ALK: variants seen among roughly 807,000 people sequenced by gnomAD.
The protein encoded by ALK is ALK tyrosine kinase receptor.
ALK carries 74 observed loss-of-function variants against 163.1 expected under a neutral mutation model. The ratio of observed to expected loss-of-function variants is 0.45; its 90% CI spans 0.38 to 0.55. The LOEUF is 0.55. ALK is among the 20% of genes least tolerant of loss of function. The pLI is 0.00. For synonymous variants in ALK, 960 were observed against 843.2 expected (o/e 1.14, Z -2.40); for missense variants, 2,063 against 2,105.3 (o/e 0.98, Z 0.39).
At chr2:29,876,606 G>A (rs1042297856) in intron 1 of ALK, among the ~76,000 whole-genome samples, 21 of 151,684 alleles carry the variant, frequency 1.4e-4, no homozygotes, top group African/African-American at 5.1e-4. Flanking sequence ...TAATGGTGAT[G>A]GCAATAATGC....
At chr2:29,275,003 T>C in intron 11 of ALK, 96 bp downstream of exon 11, 1 of 1,520,096 alleles carries the variant, frequency 6.6e-7, no homozygotes, top group South Asian at 1.1e-5. Context: ...TTTCATTCTT[T>C]CAGCACAGCT....
intron 1 of ALK, among the ~76,000 whole-genome samples, chr2:29,720,534 C>T (rs1679390956): frequency 6.6e-6 from 1 of 152,104 alleles, no homozygotes; most frequent in Non-Finnish European, 1.5e-5. Flanking sequence ...TGGGGGTCAG[C>T]CAAAAGGCTG....
intron 4 of ALK, among the ~76,000 whole-genome samples, chr2:29,429,005 C>A (rs377706384): frequency 6.6e-6 from 1 of 151,990 alleles, no homozygotes; most frequent in African/African-American, 2.4e-5. Context: ...AACAAAACCA[C>A]AGCATCATCT....
chr2:29,729,055 G>A (rs987622909), intron 1 of ALK, among the ~76,000 whole-genome samples: 3 of 152,280 alleles, frequency 2.0e-5, no homozygotes, highest in South Asian at 2.1e-4. Context: ...GCCTTTTCTC[G>A]GATGCTCAGT....
chr2:29,696,198 G>A (rs1453322435), intron 2 of ALK, among the ~76,000 whole-genome samples: 2 of 152,156 alleles, frequency 1.3e-5, no homozygotes, highest in Non-Finnish European at 2.9e-5. Flanking sequence ...GGAATATTAT[G>A]CAGCCTTAAA....
intron 1 of ALK, among the ~76,000 whole-genome samples, chr2:29,746,605 C>T (rs1452017749): frequency 6.6e-6 from 1 of 152,158 alleles, no homozygotes; most frequent in African/African-American, 2.4e-5. Context: ...CCAGCATTTC[C>T]CTTAGTTGTG....
At chr2:29,208,434 C>A (rs890630800) in intron 25 of ALK, among the ~76,000 whole-genome samples, 1 of 152,092 alleles carries the variant, frequency 6.6e-6, no homozygotes, top group Non-Finnish European at 1.5e-5. Context: ...CATGCTGCAG[C>A]ATTTGTATTT....
chr2:29,635,436 A>T (rs1676492835), intron 3 of ALK, among the ~76,000 whole-genome samples: 1 of 152,162 alleles, frequency 6.6e-6, no homozygotes, highest in Admixed American at 6.5e-5. Flanking sequence ...TGCAGAGATT[A>T]TGATGTAAAG....
chr2:29,510,439 A>G (rs545756851), intron 4 of ALK, among the ~76,000 whole-genome samples: 10 of 150,900 alleles, frequency 6.6e-5, no homozygotes, highest in African/African-American at 2.2e-4. Flanking sequence ...GCTTGTTTCT[A>G]CAATGATTAT....
chr2:29,786,789 TTTTG>T (rs933856321), intron 1 of ALK, among the ~76,000 whole-genome samples: 3 of 151,538 alleles, frequency 2.0e-5, no homozygotes, highest in African/African-American at 4.9e-5. Context: ...TGTTTGTTTG[TTTTG>T]TTTGTTTGTT....
Position 29,614,506 on chromosome 2 carries a change from C to T in ALK, c.952+80344G>A, listed in dbSNP as rs1487351943. Among the ~76,000 whole-genome samples the T allele has an allele frequency of 2.0e-5, 3 of 152,338 alleles. No homozygotes were observed. The East Asian group carries it at 5.8e-4, about 29-fold the overall frequency. The stretch of plus-strand genomic sequence containing the variant: ...GATTCCCCTCTCTGTAGACTGACAG[C>T]ATGTTCCATCCACTCCAAATGATCT... On this transcript the variant is annotated intron_variant, in intron 3 of 28. Coordinates refer to ENST00000389048, the MANE Select transcript of ALK (RefSeq NM_004304.5).
chr2:29,359,657 G>A (rs1573278969), intron 5 of ALK, among the ~76,000 whole-genome samples: 1 of 152,178 alleles, frequency 6.6e-6, no homozygotes, highest in Non-Finnish European at 1.5e-5. Flanking sequence ...TGGACTTCCA[G>A]AGATTCGATT....
At chr2:29,797,508 C>A (rs1300243941) in intron 1 of ALK, among the ~76,000 whole-genome samples, 3 of 152,194 alleles carry the variant, frequency 2.0e-5, no homozygotes, top group Non-Finnish European at 4.4e-5. Context: ...AGTAATATCC[C>A]CACTATCATT....
chr2:29,295,308 G>T (rs1368604265), intron 9 of ALK, among the ~76,000 whole-genome samples: 1 of 152,136 alleles, frequency 6.6e-6, no homozygotes, highest in African/African-American at 2.4e-5. Flanking sequence ...AGCTATGAAA[G>T]AGAGAAGACT....
At chr2:29,687,329 T>C (rs977792920) in intron 3 of ALK, among the ~76,000 whole-genome samples, 3 of 151,914 alleles carry the variant, frequency 2.0e-5, no homozygotes, top group Admixed American at 2.0e-4. Context: ...TGGGAGCCCA[T>C]GCCAGCTGCC....
Position 29,494,843 on chromosome 2 carries a change from C to CGTGTGTGTGTGTGTGT in ALK, c.1154+37056_1154+37071dup, listed in dbSNP as rs35306598. On this transcript the variant is annotated intron_variant, in intron 4 of 28. Coordinates refer to ENST00000389048, the MANE Select transcript of ALK (RefSeq NM_004304.5). Reference sequence around the variant, plus strand: ...AGAAGCTCAAAGCTCTTTAGAGACTCGTGTGTGTGTGTGTGTGTGTGTGTG... The same window carrying CGTGTGTGTGTGTGTGT: ...AGAAGCTCAAAGCTCTTTAGAGACTCGTGTGTGTGTGTGTGTGTGTGTGTGTGTGTGTGTGTGTGTG... Among the ~76,000 whole-genome samples, 813 of 147,288 alleles carry CGTGTGTGTGTGTGTGT rather than the reference C, an allele frequency of 5.5e-3. 5 individuals carry two copies. Among genetic ancestry groups the CGTGTGTGTGTGTGTGT allele is most frequent in the African/African-American group, 0.018 (708 of 39,752 alleles).
chr2:29,298,285 G>A (rs1319232885), intron 8 of ALK, among the ~76,000 whole-genome samples: 1 of 152,162 alleles, frequency 6.6e-6, no homozygotes, highest in African/African-American at 2.4e-5. Flanking sequence ...TAGCAAATAT[G>A]CATCTCTACT....
chr2:29,581,596 G>A (rs1674693183), intron 3 of ALK, among the ~76,000 whole-genome samples: 4 of 152,054 alleles, frequency 2.6e-5, no homozygotes. Context: ...GGCTGGGAAG[G>A]TGAAGTGTGG....
At chr2:29,431,507 A>T (rs775552600) in intron 4 of ALK, among the ~76,000 whole-genome samples, 17 of 152,158 alleles carry the variant, frequency 1.1e-4, no homozygotes, top group Non-Finnish European at 2.1e-4. Context: ...GCACATGGAG[A>T]CTGACAAATC....
Sources: allele counts gnomAD v4.1 joint callset (sites outside exome capture counted in the v4.1 genomes callset), GRCh38; gene constraint gnomAD v4.1.1; transcripts MANE v1.5; gene names NCBI Gene and HGNC (gene_info 2026-07-23, HGNC 2026-07-21).